ZNF112: variants seen among roughly 807,000 people sequenced by gnomAD.
The protein encoded by ZNF112 is zinc finger protein 112 (Y14).
In ZNF112, 37 loss-of-function variants were observed where a neutral mutation model predicts 77.7. The observed-to-expected ratio is 0.48, with a 90% CI of 0.37 to 0.63. ZNF112 has a LOEUF of 0.63. Among genes scored for constraint, ZNF112 ranks in the 20% least tolerant of loss-of-function variants. The probability of loss-of-function intolerance (pLI) is 0.00; values close to 1 mark genes in which losing one functional copy is unlikely to be tolerated. For synonymous variants in ZNF112, 333 were observed against 363.6 expected, an observed-to-expected ratio of 0.92 and a Z score of 0.96; for missense variants, 950 against 1,077.4, an observed-to-expected ratio of 0.88 and a Z score of 1.66.
At chr19:44,352,011 G>A (rs1304889731) in intron 1 of ZNF112, among the ~76,000 whole-genome samples, 1 of 152,026 alleles carries the variant, frequency 6.6e-6, no homozygotes, top group African/African-American at 2.4e-5. Flanking sequence ...GCATTGATTT[G>A]TTCACGTGAT....
chr19:44,360,998 A>G (rs1599943389), upstream of ZNF112, among the ~76,000 whole-genome samples: 1 of 152,352 alleles, frequency 6.6e-6, no homozygotes, highest in Non-Finnish European at 1.5e-5. Context: ...TTATTTACAC[A>G]AGGTAAAAGC....
chr19:44,332,972 G>A (rs1970297370), intron 3 of ZNF112, among the ~76,000 whole-genome samples: 1 of 152,088 alleles, frequency 6.6e-6, no homozygotes, highest in South Asian at 2.1e-4. Context: ...CAATATCAAT[G>A]GTAGAATGGT....
rs138009372 is a variant in ZNF112 at position 44,327,675 on chromosome 19, T to C, written c.2482A>G (p.Lys828Glu). 49 of 1,613,864 alleles carry C rather than the reference T, an allele frequency of 3.0e-5. 1 individual carries two copies. The Middle Eastern group carries it at 1.2e-3, about 38-fold the overall frequency. ...HRVHTGEKPYKCEVCGKGFSQ... is the reference protein window; with the variant it reads ...HRVHTGEKPYECEVCGKGFSQ... Reference sequence around the variant, plus strand: ...AAGCCCTTTCCACATACCTCACATTTGTATGGTTTCTCTCCTGTGTGGACT... The same window carrying C: ...AAGCCCTTTCCACATACCTCACATTCGTATGGTTTCTCTCCTGTGTGGACT... The change falls in exon 4 of 4, where the codon AAA becomes GAA. Residue 828 changes from lysine (K) to glutamate (E), a missense_variant. Transcript: ENST00000354340.
At chr19:44,363,120 C>T (rs1307430091) in intron 1 of ZNF112, among the ~76,000 whole-genome samples, 1 of 151,036 alleles carries the variant, frequency 6.6e-6, no homozygotes, top group Non-Finnish European at 1.5e-5. Flanking sequence ...TAGTTGTGCC[C>T]AATCACACAT....
At chr19:44,360,912 G>C (rs1463087944), upstream of ZNF112, among the ~76,000 whole-genome samples, 1 of 152,182 alleles carries the variant, frequency 6.6e-6, no homozygotes, top group Non-Finnish European at 1.5e-5. Flanking sequence ...AATGTTCATA[G>C]CAGGATCATT....
Position 44,328,984 on chromosome 19 carries a change from A to T in ZNF112, c.1173T>A (p.Asn391Lys). ...HEYEENENVFNQSSCLQVHQK... is the reference protein window; with the variant it reads ...HEYEENENVFKQSSCLQVHQK... ...GATGGACTTGAAGACATGAACTCTGATTAAAGACATTCTCATTTTCCTCAT... is the reference window on the plus strand; with the variant it reads ...GATGGACTTGAAGACATGAACTCTGTTTAAAGACATTCTCATTTTCCTCAT... The change falls in exon 4 of 4, where the codon AAT becomes AAA. Residue 391 changes from asparagine to lysine, a missense_variant. Asn to Lys is a moderately conservative substitution (Grantham distance 94). Transcript: ENST00000354340. 1 of 1,613,966 alleles carries T rather than the reference A, an allele frequency of 6.2e-7. No homozygotes were observed. The highest frequency in any genetic ancestry group is 8.5e-7 in the Non-Finnish European group (1 of 1,179,966).
At chr19:44,341,782 T>C (rs1024681283) in intron 1 of ZNF112, among the ~76,000 whole-genome samples, 1 of 152,224 alleles carries the variant, frequency 6.6e-6, no homozygotes, top group African/African-American at 2.4e-5. Flanking sequence ...CTTGTAACTT[T>C]TTGCTGTAGG....
upstream of ZNF112, among the ~76,000 whole-genome samples, chr19:44,360,277 AAAAG>A (rs1285677757): frequency 2.6e-5 from 4 of 151,728 alleles, no homozygotes; most frequent in East Asian, 5.8e-4. Context: ...AAGAAAAGAA[AAAAG>A]AAAGAAAAAG....
chr19:44,327,908 T>C lies in ZNF112; in HGVS notation c.2249A>G (p.Lys750Arg), dbSNP rs754792153. 1.2e-6 allele frequency: 2 copies of C among 1,613,946 alleles called. No individual in the cohort carries two copies. Among genetic ancestry groups the C allele is most frequent in the South Asian group, 2.2e-5 (2 of 91,076 alleles). Reference sequence around the variant, plus strand: ...AAGGCGCGAACTCTGACTAAAGCCCTTCCCACACATCTCACATTTATACGG... The same window carrying C: ...AAGGCGCGAACTCTGACTAAAGCCCCTCCCACACATCTCACATTTATACGG... ...VKPYKCEMCGKGFSQSSRLEA... is the reference protein window; with the variant it reads ...VKPYKCEMCGRGFSQSSRLEA... Residue 750 changes from lysine to arginine, a missense_variant, in exon 4 of 4, where the codon AAG becomes AGG. Lys to Arg is a conservative substitution (Grantham distance 26). Transcript: ENST00000354340.
At chr19:44,359,730 T>C (rs912601855), upstream of ZNF112, among the ~76,000 whole-genome samples, 6 of 152,198 alleles carry the variant, frequency 3.9e-5, no homozygotes, top group Non-Finnish European at 8.8e-5. Context: ...GGACCCTAAA[T>C]TACAAACTTG....
At chr19:44,365,871 T>C (rs980335047) in intron 1 of ZNF112, among the ~76,000 whole-genome samples, 7 of 152,194 alleles carry the variant, frequency 4.6e-5, no homozygotes, top group African/African-American at 1.4e-4. Flanking sequence ...AACTTCACTC[T>C]ATCCTCTCCA....
intron 1 of ZNF112, among the ~76,000 whole-genome samples, chr19:44,354,680 C>A (rs369316006): frequency 1.3e-5 from 2 of 152,124 alleles, no homozygotes; most frequent in African/African-American, 4.8e-5. Flanking sequence ...AACCATAAAC[C>A]CTTAACAACC....
chr19:44,351,279 C>T (rs901092214), intron 1 of ZNF112, among the ~76,000 whole-genome samples: 6 of 152,016 alleles, frequency 3.9e-5, no homozygotes, highest in African/African-American at 1.4e-4. Context: ...TTTAATCACA[C>T]CAGTAAATAT....
chr19:44,327,827 G>C lies in ZNF112; in HGVS notation c.2330C>G (p.Thr777Arg), dbSNP rs537127757. 5.0e-6 allele frequency: 8 copies of C among 1,613,526 alleles called. No individual in the cohort carries two copies. The East Asian group carries it at 1.1e-4, about 22-fold the overall frequency. The change falls in exon 4 of 4, where the codon ACA becomes AGA. Residue 777 changes from threonine (T) to arginine (R), a missense_variant. By Grantham distance (71) the Thr-to-Arg change is moderately conservative. Transcript: ENST00000354340. ...GGKPYKCEVC[T>R]KGFSESSRLQ... ...GCGTGAACTCTCACTGAAACCCTTT[G>C]TACACACCTCACATTTGTATGGTTT...
At chr19:44,355,761 T>G (rs1970775529) in intron 1 of ZNF112, among the ~76,000 whole-genome samples, 1 of 152,240 alleles carries the variant, frequency 6.6e-6, no homozygotes, top group African/African-American at 2.4e-5. Flanking sequence ...AAATACTATC[T>G]TTATTACTCA....
intron 2 of ZNF112, among the ~76,000 whole-genome samples, chr19:44,339,944 T>TG (rs1394142784): frequency 6.6e-6 from 1 of 152,120 alleles, no homozygotes; most frequent in Non-Finnish European, 1.5e-5. Flanking sequence ...TACATAAGTA[T>TG]GTATGGAGAG....
intron 3 of ZNF112, 37 bp downstream of exon 3, chr19:44,336,586 C>T (rs1568664750): frequency 2.6e-6 from 4 of 1,546,688 alleles, no homozygotes; most frequent in Non-Finnish European, 3.6e-6. Flanking sequence ...CTAGAAGGGG[C>T]TCCCTGGCTG....
intron 3 of ZNF112, among the ~76,000 whole-genome samples, chr19:44,334,321 T>C (rs1401540404): frequency 6.6e-6 from 1 of 152,170 alleles, no homozygotes; most frequent in Non-Finnish European, 1.5e-5. Context: ...CTCATATTTA[T>C]GGGCAAAGAG....
upstream of ZNF112, among the ~76,000 whole-genome samples, chr19:44,360,680 T>C (rs1970847205): frequency 6.6e-6 from 1 of 152,092 alleles, no homozygotes; most frequent in Non-Finnish European, 1.5e-5. Context: ...CTGCAACAAA[T>C]GGGGCGCTGC....
Sources: allele counts gnomAD v4.1 joint callset (sites outside exome capture counted in the v4.1 genomes callset), GRCh38; gene constraint gnomAD v4.1.1; transcripts MANE v1.5; gene names NCBI Gene and HGNC (gene_info 2026-07-23, HGNC 2026-07-21).